FBXL17: variants seen among roughly 807,000 people sequenced by gnomAD.
FBXL17 encodes F-box/LRR-repeat protein 17.
A neutral mutation model predicts 66.2 loss-of-function variants in FBXL17; 22 were observed. The ratio of observed to expected loss-of-function variants is 0.33; its 90% confidence interval spans 0.24 to 0.47. FBXL17 has a LOEUF of 0.47. Ranked by LOEUF, FBXL17 falls within the 20% of genes least tolerant of loss-of-function variation. The pLI, the probability that FBXL17 is intolerant of heterozygous loss-of-function variation, is 1.00. For missense variants in FBXL17, 878 were observed against 948.2 expected, an observed-to-expected ratio of 0.93 and a Z score of 0.97; for synonymous variants, 474 against 400.5, an observed-to-expected ratio of 1.18 and a Z score of -2.19.
intron 6 of FBXL17, among the ~76,000 whole-genome samples, chr5:108,174,745 A>C (rs1226363295): frequency 1.7e-5 from 2 of 115,598 alleles, no homozygotes; most frequent in Non-Finnish European, 3.6e-5. Flanking sequence ...TTACACAAAG[A>C]AGCAAAAAAA....
chr5:108,051,691 A>G (rs1452192746), intron 6 of FBXL17, among the ~76,000 whole-genome samples: 1 of 152,182 alleles, frequency 6.6e-6, no homozygotes, highest in African/African-American at 2.4e-5. Flanking sequence ...TAAGACAAGG[A>G]TGAGGCTGGG....
At chr5:108,267,494 T>C (rs1323198728) in intron 4 of FBXL17, among the ~76,000 whole-genome samples, 2 of 152,116 alleles carry the variant, frequency 1.3e-5, no homozygotes, top group African/African-American at 4.8e-5. Flanking sequence ...ATCTTACTCC[T>C]ACTAGTCATA....
intron 4 of FBXL17, among the ~76,000 whole-genome samples, chr5:108,243,119 T>C (rs562970806): frequency 8.5e-5 from 13 of 152,310 alleles, no homozygotes; most frequent in Non-Finnish European, 1.3e-4. Context: ...AAAAGTCAGA[T>C]TGGCTGATAA....
At chr5:108,147,756 A>C (rs1341541229) in intron 6 of FBXL17, among the ~76,000 whole-genome samples, 1 of 152,198 alleles carries the variant, frequency 6.6e-6, no homozygotes, top group African/African-American at 2.4e-5. Context: ...CTCATTACAA[A>C]TCTGCATGAT....
At chr5:108,198,532 A>G (rs1753769649) in intron 5 of FBXL17, among the ~76,000 whole-genome samples, 1 of 152,132 alleles carries the variant, frequency 6.6e-6, no homozygotes, top group Non-Finnish European at 1.5e-5. Flanking sequence ...CCTGTCATGG[A>G]TAGTGAAGGA....
intron 6 of FBXL17, among the ~76,000 whole-genome samples, chr5:108,110,380 G>C (rs928661939): frequency 3.9e-5 from 6 of 152,070 alleles, no homozygotes; most frequent in African/African-American, 1.4e-4. Flanking sequence ...TTCTTAACTA[G>C]ATATTAATGG....
At position 108,013,429 on chromosome 5, in the gene FBXL17, C is replaced by T. The variant is rs549877694; in HGVS notation, c.1822+7496G>A. Among the ~76,000 whole-genome samples, 45 of 152,316 alleles carry T rather than the reference C, an allele frequency of 3.0e-4. No individual in the cohort carries two copies. The South Asian group carries it at 9.1e-3, about 31-fold the overall frequency. On this transcript the variant is annotated intron_variant, in intron 7 of 8. Transcript: ENST00000542267. Reference sequence around the variant, plus strand: ...GCATACAAAAGCATCCATTCAGACACCTGTTCTTGCTCTGAGCCTTTCCAA... The same window carrying T: ...GCATACAAAAGCATCCATTCAGACATCTGTTCTTGCTCTGAGCCTTTCCAA...
rs986650705 is a variant in FBXL17, at chr5:108,113,284, C to T, written c.1745+72833G>A. Reference sequence around the variant, plus strand: ...TCTCTTTATTTTCTAAGTTAAAAGACGGGATGTAATCTGCAACTTTAAAAC... The same window carrying T: ...TCTCTTTATTTTCTAAGTTAAAAGATGGGATGTAATCTGCAACTTTAAAAC... On this transcript the variant is annotated intron_variant, in intron 6 of 8. Transcript: ENST00000542267. 2.6e-5 allele frequency among the ~76,000 whole-genome samples: 4 copies of T among 152,026 alleles called. No homozygotes were observed. In the South Asian group the frequency reaches 6.2e-4, roughly 24 times the overall value.
chr5:108,356,124 G>A (rs1733355422), intron 3 of FBXL17, among the ~76,000 whole-genome samples: 1 of 152,116 alleles, frequency 6.6e-6, no homozygotes. Flanking sequence ...AGCAAAGAAT[G>A]TTATCAGTGA....
At chr5:108,284,563 GA>G (rs1484653530) in intron 4 of FBXL17, among the ~76,000 whole-genome samples, 2 of 151,712 alleles carry the variant, frequency 1.3e-5, no homozygotes, top group Non-Finnish European at 3.0e-5. Flanking sequence ...GAGTGAGTGG[GA>G]GGGGGGAAGA....
At chr5:108,252,620 A>C (rs1228911094) in intron 4 of FBXL17, among the ~76,000 whole-genome samples, 1 of 152,150 alleles carries the variant, frequency 6.6e-6, no homozygotes, top group Non-Finnish European at 1.5e-5. Flanking sequence ...TTGGCAATGC[A>C]CATATGCCTA....
intron 5 of FBXL17, among the ~76,000 whole-genome samples, chr5:108,213,336 G>A (rs1359477360): frequency 6.6e-6 from 1 of 152,140 alleles, no homozygotes; most frequent in Admixed American, 6.5e-5. Context: ...GCCCCAATGA[G>A]GCATGGAAAA....
Position 108,381,801 on chromosome 5 carries a change from C to T in FBXL17, c.-110G>A, listed in dbSNP as rs1749977827. Reference sequence around the variant, plus strand: ...CTGGCTCGGCCCCCGGAGGGGTCGCCCTTCCTGCGCACACACACGCACACA... The same window carrying T: ...CTGGCTCGGCCCCCGGAGGGGTCGCTCTTCCTGCGCACACACACGCACACA... On this transcript the variant is annotated 5_prime_UTR_variant, in exon 1 of 9. Transcript: ENST00000542267. The T allele has an allele frequency of 2.2e-6, 3 of 1,352,698 alleles. No individual in the cohort carries two copies. The highest frequency in any genetic ancestry group is 2.8e-6 in the Non-Finnish European group (3 of 1,057,138). 83.8% of individuals were successfully genotyped at this position (1,352,698 alleles called of 1,614,324 possible).
chr5:107,996,756 A>C (rs1211606200), intron 7 of FBXL17, among the ~76,000 whole-genome samples: 2 of 152,254 alleles, frequency 1.3e-5, no homozygotes, highest in African/African-American at 4.8e-5. Flanking sequence ...GAGAGATTAA[A>C]AAATGTGCCT....
At chr5:108,304,110 A>G (rs1157348066) in intron 4 of FBXL17, among the ~76,000 whole-genome samples, 1 of 151,960 alleles carries the variant, frequency 6.6e-6, no homozygotes, top group Non-Finnish European at 1.5e-5. Context: ...ATTTTATTAC[A>G]CTTTTAAATT....
At chr5:108,034,417 TG>T (rs1746761122) in intron 6 of FBXL17, among the ~76,000 whole-genome samples, 1 of 152,198 alleles carries the variant, frequency 6.6e-6, no homozygotes, top group Non-Finnish European at 1.5e-5. Flanking sequence ...TTCTTAAAAT[TG>T]TGTTGCCAGA....
chr5:108,168,038 T>A (rs1752475954), intron 6 of FBXL17, among the ~76,000 whole-genome samples: 1 of 152,184 alleles, frequency 6.6e-6, no homozygotes, highest in Non-Finnish European at 1.5e-5. Flanking sequence ...GTGAGGAGCT[T>A]GTCACATCTG....
chr5:107,991,579 G>A lies in FBXL17; in HGVS notation c.1822+29346C>T, dbSNP rs144770371. ...TTGGTTTTGGAGTGTCAGGAAGAAA[G>A]ATTGTATTGGCCTTGCAAGTTACTG... is the stretch of plus-strand genomic sequence containing the variant. On this transcript the variant is annotated intron_variant, in intron 7 of 8. Coordinates refer to ENST00000542267, the MANE Select transcript of FBXL17 (RefSeq NM_001163315.3). Among the ~76,000 whole-genome samples, 372 of 152,306 alleles carry A rather than the reference G, an allele frequency of 2.4e-3. 3 individuals are homozygous for A. Among genetic ancestry groups the A allele is most frequent in the Middle Eastern group, 0.014 (4 of 294 alleles).
intron 4 of FBXL17, among the ~76,000 whole-genome samples, chr5:108,343,447 T>G (rs1216911166): frequency 6.6e-6 from 1 of 152,138 alleles, no homozygotes; most frequent in Non-Finnish European, 1.5e-5. Flanking sequence ...AAATGTAAAT[T>G]ATTTATGTCT....
Sources: gnomAD v4.1 joint callset for allele counts (sites outside exome capture counted in the v4.1 genomes callset) on GRCh38, gnomAD v4.1.1 for gene constraint, MANE v1.5 for transcripts, NCBI Gene and HGNC (gene_info 2026-07-23, HGNC 2026-07-21) for gene names.